RRN3: variants seen among roughly 807,000 people sequenced by gnomAD.
The protein encoded by RRN3 is RNA polymerase I-specific transcription initiation factor RRN3.
In RRN3, 38 loss-of-function variants were observed where a neutral mutation model predicts 82.3. The observed-to-expected ratio is 0.46, with a 90% CI of 0.36 to 0.61. The LOEUF (loss-of-function observed/expected upper bound fraction) is 0.61, where lower values mean the gene tolerates loss of function less well. Ranked by LOEUF, RRN3 falls within the 20% of genes least tolerant of loss-of-function variation. RRN3 has a pLI of 0.00. For missense variants in RRN3, 726 were observed against 793.1 expected (o/e 0.92, Z 1.02); for synonymous variants, 284 against 284.3 (o/e 1.00, Z 0.01).
At chr16:15,082,167 T>C (rs2045734235) in intron 8 of RRN3, among the ~76,000 whole-genome samples, 1 of 152,200 alleles carries the variant, frequency 6.6e-6, no homozygotes, top group South Asian at 2.1e-4. Context: ...TTCTTTGTCT[T>C]AGGAAAAAAC....
Position 15,073,048 on chromosome 16 carries a change from A to C in RRN3, c.1030T>G (p.Tyr344Asp). Residue 344 changes from tyrosine (Y) to aspartate (D), a missense_variant, in exon 12 of 18, where the codon TAT becomes GAT. Coordinates refer to ENST00000198767, the MANE Select transcript of RRN3 (RefSeq NM_018427.5). Reference sequence around the variant, plus strand: ...TCAAAGATGTTTATCAGGTCGCGATATAGATCCTTTGTTTTGCCGTTATCA... The same window carrying C: ...TCAAAGATGTTTATCAGGTCGCGATCTAGATCCTTTGTTTTGCCGTTATCA... ...KVDNGKTKDL[Y>D]RDLINIFDKL... The C allele has an allele frequency of 6.2e-7, 1 of 1,612,778 alleles. No homozygotes were observed. Among genetic ancestry groups the C allele is most frequent in the South Asian group, 1.1e-5 (1 of 90,508 alleles).
At chr16:15,093,392 T>A (rs2046218315) in intron 1 of RRN3, among the ~76,000 whole-genome samples, 1 of 152,176 alleles carries the variant, frequency 6.6e-6, no homozygotes, top group Non-Finnish European at 1.5e-5. Flanking sequence ...CCCTTCTCCC[T>A]CCCCCATTAC....
Position 15,081,969 on chromosome 16 carries a change from C to T in RRN3, c.666+1544G>A, listed in dbSNP as rs377597744. On this transcript the variant is annotated intron_variant, in intron 8 of 17. Transcript: ENST00000198767. ...GTTAGTGTATGTTAGTCTTCTGTCCCGTAACCATGCTGAACTCATTTATTA... is the reference window on the plus strand; with the variant it reads ...GTTAGTGTATGTTAGTCTTCTGTCCTGTAACCATGCTGAACTCATTTATTA... 6.6e-5 allele frequency among the ~76,000 whole-genome samples: 10 copies of T among 152,250 alleles called. No homozygotes were observed. The East Asian group carries it at 7.7e-4, about 12-fold the overall frequency.
At chr16:15,087,588 G>A (rs1179546063) in intron 3 of RRN3, among the ~76,000 whole-genome samples, 9 of 152,064 alleles carry the variant, frequency 5.9e-5, no homozygotes, top group Non-Finnish European at 1.0e-4. Context: ...ATTTTCTGAT[G>A]AAATCCCAAG....
intron 6 of RRN3, among the ~76,000 whole-genome samples, chr16:15,085,326 CT>C (rs11436275): frequency 4.7e-5 from 7 of 149,816 alleles, no homozygotes; most frequent in Admixed American, 1.3e-4. Flanking sequence ...CTGTGCTTTA[CT>C]TTTTTTTTTA....
Position 15,079,982 on chromosome 16 carries a change from A to T in RRN3, c.765+16T>A, listed in dbSNP as rs1289685175. The stretch of plus-strand genomic sequence containing the variant: ...AGTCAGTAAATGAAAATAAAAATAG[A>T]TTACTCAATACTTACATCCAACTTG... On this transcript the variant is annotated intron_variant, in intron 9 of 17. Coordinates refer to ENST00000198767, the MANE Select transcript of RRN3 (RefSeq NM_018427.5). 26 of 1,574,492 alleles carry T rather than the reference A, an allele frequency of 1.7e-5. No individual in the cohort carries two copies. Among genetic ancestry groups the T allele is most frequent in the Admixed American group, 9.4e-5 (5 of 52,966 alleles).
chr16:15,074,881 A>G lies in RRN3; in HGVS notation c.859-20T>C. 1 of 1,593,016 alleles carries G rather than the reference A, an allele frequency of 6.3e-7. No homozygotes were observed. Among genetic ancestry groups the G allele is most frequent in the Non-Finnish European group, 8.6e-7 (1 of 1,169,282 alleles). ...TTCATCCTTTGAAGACAAAAAGTAA[A>G]TACTAACATTAAAAAATTCAATGTC... On this transcript the variant is annotated intron_variant, in intron 10 of 17. Coordinates refer to ENST00000198767, the MANE Select transcript of RRN3 (RefSeq NM_018427.5).
At chr16:15,072,733 T>G (rs1168543524) in intron 12 of RRN3, among the ~76,000 whole-genome samples, 2 of 151,828 alleles carry the variant, frequency 1.3e-5, no homozygotes, top group African/African-American at 4.8e-5. Context: ...GAGGTGGAGG[T>G]TGCAGCAGTG....
At position 15,060,129 on chromosome 16, in the gene RRN3, T is replaced by C. The variant is rs1281626268; in HGVS notation, c.*1615A>G. On this transcript the variant is annotated 3_prime_UTR_variant, in exon 18 of 18. Coordinates refer to ENST00000198767, the MANE Select transcript of RRN3 (RefSeq NM_018427.5). ...CATGGATTTTTTTTCACAAACTCCT[T>C]TGAAATTAAACAGACTTATATGTAA... 1 of 352,692 alleles carries C rather than the reference T, an allele frequency of 2.8e-6. No homozygotes were observed. Among genetic ancestry groups the C allele is most frequent in the Non-Finnish European group, 5.6e-6 (1 of 178,610 alleles). 21.8% of individuals were successfully genotyped at this position (352,692 alleles called of 1,614,324 possible).
At chr16:15,075,250 CAAAAAAAA>C (rs56913254) in intron 10 of RRN3, among the ~76,000 whole-genome samples, 2 of 68,052 alleles carry the variant, frequency 2.9e-5, no homozygotes, top group African/African-American at 1.1e-4. Flanking sequence ...TGTGCCCCAC[CAAAAAAAA>C]AAAAAAAAAA....
At chr16:15,082,891 C>T (rs2045763767) in intron 8 of RRN3, among the ~76,000 whole-genome samples, 1 of 152,182 alleles carries the variant, frequency 6.6e-6, no homozygotes, top group Admixed American at 6.5e-5. Flanking sequence ...GGCATGTTCA[C>T]AATTAGTAAT....
intron 3 of RRN3, among the ~76,000 whole-genome samples, chr16:15,090,178 C>T (rs913975687): frequency 6.6e-6 from 1 of 151,982 alleles, no homozygotes; most frequent in African/African-American, 2.4e-5. Context: ...CCACTGCACT[C>T]CAGCCTGCGT....
intron 3 of RRN3, among the ~76,000 whole-genome samples, chr16:15,089,526 C>T (rs140849284): frequency 2.6e-5 from 4 of 151,868 alleles, no homozygotes; most frequent in Admixed American, 6.6e-5. Flanking sequence ...ACTGGCCGGG[C>T]GTGGTTACTC....
Position 15,060,266 on chromosome 16 carries a change from C to G in RRN3, c.*1478G>C. 3.1e-6 allele frequency: 1 copy of G among 327,790 alleles called. No homozygotes were observed. Among genetic ancestry groups the G allele is most frequent in the Non-Finnish European group, 6.0e-6 (1 of 165,604 alleles). 20.3% of individuals were successfully genotyped at this position (327,790 alleles called of 1,614,324 possible). On this transcript the variant is annotated 3_prime_UTR_variant, in exon 18 of 18. Coordinates refer to ENST00000198767, the MANE Select transcript of RRN3 (RefSeq NM_018427.5). The stretch of plus-strand genomic sequence containing the variant: ...CTAATATTAAAAAATCAACATTTTG[C>G]CAGCAGTTAAAAAGACAACCTTAAA...
At position 15,062,572 on chromosome 16, in the gene RRN3, G is replaced by T. The variant is rs536403303; in HGVS notation, c.1794+624C>A. 9.9e-5 allele frequency among the ~76,000 whole-genome samples: 15 copies of T among 152,256 alleles called. No individual in the cohort carries two copies. In the East Asian group the frequency reaches 2.5e-3, roughly 25 times the overall value. Reference sequence around the variant, plus strand: ...AGCTCCACCTCATGTGACCTGGAGGGTATGTTGCAACCTGCGTCTTCACCA... The same window carrying T: ...AGCTCCACCTCATGTGACCTGGAGGTTATGTTGCAACCTGCGTCTTCACCA... On this transcript the variant is annotated intron_variant, in intron 17 of 17. Coordinates refer to ENST00000198767, the MANE Select transcript of RRN3 (RefSeq NM_018427.5).
chr16:15,069,162 A>G (rs1291916725), intron 14 of RRN3, among the ~76,000 whole-genome samples: 1 of 152,124 alleles, frequency 6.6e-6, no homozygotes. Context: ...ACCCAAGGAG[A>G]CTGCGACCCC....
At chr16:15,080,347 CAT>C (rs2045646428) in intron 8 of RRN3, among the ~76,000 whole-genome samples, 1 of 152,166 alleles carries the variant, frequency 6.6e-6, no homozygotes, top group Non-Finnish European at 1.5e-5. Flanking sequence ...TGATAAAACT[CAT>C]ATATCATACA....
chr16:15,060,821 T>A lies in RRN3; in HGVS notation c.*923A>T, dbSNP rs1027608715. On this transcript the variant is annotated 3_prime_UTR_variant, in exon 18 of 18. Transcript: ENST00000198767. ...CCGTACACCAAATAATCTAAAAAAA[T>A]TTTCCTGTTTCCAACAAAGAAATTC... is the stretch of plus-strand genomic sequence containing the variant. 3 of 152,194 alleles carry A rather than the reference T, an allele frequency of 2.0e-5. No individual in the cohort carries two copies. The highest frequency in any genetic ancestry group is 7.2e-5 in the African/African-American group (3 of 41,432). The allele number at this position is 152,194 out of a possible 1,614,324, so 9.4% of individuals were successfully genotyped here.
chr16:15,077,457 T>C (rs919099233), intron 9 of RRN3, among the ~76,000 whole-genome samples: 3 of 152,040 alleles, frequency 2.0e-5, no homozygotes, highest in Admixed American at 1.3e-4. Flanking sequence ...TCTTCCTCAT[T>C]TTCTCTTGCC....
Sources: allele counts gnomAD v4.1 joint callset (sites outside exome capture counted in the v4.1 genomes callset), GRCh38; gene constraint gnomAD v4.1.1; transcripts MANE v1.5; gene names NCBI Gene and HGNC (gene_info 2026-07-23, HGNC 2026-07-21).